The following GUCY1A2 variants were observed in gnomAD, a reference collection of about 807,000 sequenced individuals.
The protein encoded by GUCY1A2 is guanylate cyclase soluble subunit alpha-2.
GUCY1A2 carries 27 observed loss-of-function variants against 63.5 expected under a neutral mutation model. That is an observed-to-expected ratio of 0.43 (90% CI 0.31 to 0.59). The LOEUF is 0.59. Ranked by LOEUF, GUCY1A2 falls within the 20% of genes least tolerant of loss-of-function variation. GUCY1A2 has a pLI of 0.11. For synonymous variants in GUCY1A2, 364 were observed against 343.5 expected, an observed-to-expected ratio of 1.06 and a Z score of -0.66; for missense variants, 768 against 913.3, an observed-to-expected ratio of 0.84 and a Z score of 2.05.
At chr11:106,952,110 T>C (rs1018185945) in intron 3 of GUCY1A2, among the ~76,000 whole-genome samples, 2 of 152,218 alleles carry the variant, frequency 1.3e-5, no homozygotes. Context: ...TCGGTTTTGG[T>C]ACCAGTACCA....
intron 4 of GUCY1A2, among the ~76,000 whole-genome samples, chr11:106,934,556 T>C (rs1860649197): frequency 6.6e-6 from 1 of 152,190 alleles, no homozygotes; most frequent in Non-Finnish European, 1.5e-5. Flanking sequence ...TAAGAGAGTA[T>C]TCTGAAAACT....
chr11:106,965,402 T>C (rs1022693612), intron 3 of GUCY1A2, among the ~76,000 whole-genome samples: 2 of 152,224 alleles, frequency 1.3e-5, no homozygotes, highest in African/African-American at 2.4e-5. Flanking sequence ...TGTGTATACA[T>C]ACATATGTAT....
At chr11:106,775,572 T>G (rs1864342176) in intron 6 of GUCY1A2, among the ~76,000 whole-genome samples, 1 of 152,136 alleles carries the variant, frequency 6.6e-6, no homozygotes, top group South Asian at 2.1e-4. Context: ...TAAAAATATT[T>G]TTTAATATAT....
chr11:106,701,312 A>C (rs1452348878), intron 7 of GUCY1A2, among the ~76,000 whole-genome samples: 1 of 152,096 alleles, frequency 6.6e-6, no homozygotes, highest in Non-Finnish European at 1.5e-5. Flanking sequence ...AGAGACAGAG[A>C]TACTAATATA....
chr11:106,824,163 T>C, intron 4 of GUCY1A2: 9 of 1,438,010 alleles, frequency 6.3e-6, no homozygotes, highest in Non-Finnish European at 8.4e-6. Context: ...AGTGACAAAG[T>C]CCACACAGAA....
At chr11:106,958,560 AAAG>A (rs1475758513) in intron 3 of GUCY1A2, among the ~76,000 whole-genome samples, 3 of 151,952 alleles carry the variant, frequency 2.0e-5, no homozygotes, top group Non-Finnish European at 2.9e-5. Context: ...TGTATTTTTC[AAAG>A]AAGTAATTCC....
intron 4 of GUCY1A2, among the ~76,000 whole-genome samples, chr11:106,895,859 A>G (rs1860040377): frequency 6.6e-6 from 1 of 152,122 alleles, no homozygotes; most frequent in Non-Finnish European, 1.5e-5. Flanking sequence ...TTAACAAAAT[A>G]GATTCACAAA....
intron 6 of GUCY1A2, among the ~76,000 whole-genome samples, chr11:106,716,034 G>A (rs537658698): frequency 2.7e-4 from 41 of 152,276 alleles, no homozygotes; most frequent in African/African-American, 9.4e-4. Context: ...GGCTAGGTTT[G>A]GAAAGAATGA....
At chr11:106,736,741 A>G (rs1565273561) in intron 6 of GUCY1A2, among the ~76,000 whole-genome samples, 1 of 152,184 alleles carries the variant, frequency 6.6e-6, no homozygotes, top group African/African-American at 2.4e-5. Flanking sequence ...TTTTAATAAT[A>G]TTGATCCTTC....
rs562470529 is a variant in GUCY1A2, at chr11:106,824,141, T to C, written c.1207-13663A>G. The C allele has an allele frequency of 4.1e-6, 6 of 1,464,676 alleles. No individual in the cohort carries two copies. The African/African-American group carries it at 7.2e-5, about 18-fold the overall frequency. The allele number at this position is 1,464,676 out of a possible 1,614,324, so 90.7% of individuals were successfully genotyped here. A position where few individuals can be genotyped will look rare whatever the true frequency, so the allele number is the denominator to read the frequency against. Reference sequence around the variant, plus strand: ...ATCTTCTGAACAATGAGGCACATGCTATTACTGTGCAAGTGACAAAGTCCA... The same window carrying C: ...ATCTTCTGAACAATGAGGCACATGCCATTACTGTGCAAGTGACAAAGTCCA... On this transcript the variant is annotated intron_variant, in intron 4 of 7. Coordinates refer to ENST00000526355, the MANE Select transcript of GUCY1A2 (RefSeq NM_000855.3).
intron 5 of GUCY1A2, among the ~76,000 whole-genome samples, chr11:106,784,920 A>C (rs961836453): frequency 6.6e-6 from 1 of 152,216 alleles, no homozygotes; most frequent in Admixed American, 6.5e-5. Context: ...CTAACTTTCT[A>C]TGGGCATTAA....
At chr11:106,797,335 G>A (rs184077233) in intron 5 of GUCY1A2, among the ~76,000 whole-genome samples, 3 of 152,180 alleles carry the variant, frequency 2.0e-5, no homozygotes, top group Admixed American at 2.0e-4. Context: ...TTCCTTTGGA[G>A]GGGGAGAGGC....
intron 7 of GUCY1A2, among the ~76,000 whole-genome samples, chr11:106,703,879 G>A (rs894141491): frequency 4.0e-5 from 6 of 151,700 alleles, no homozygotes; most frequent in Admixed American, 3.9e-4. Context: ...ATACATATAT[G>A]ATTCCCACAT....
intron 4 of GUCY1A2, among the ~76,000 whole-genome samples, chr11:106,876,406 CT>C (rs34992528): frequency 0.098 from 14,830 of 152,000 alleles, 778 homozygotes; most frequent in Middle Eastern, 0.13. Context: ...ATAATTGCTA[CT>C]TTAATTCAAA....
At chr11:106,828,517 G>A (rs931306000) in intron 4 of GUCY1A2, among the ~76,000 whole-genome samples, 2 of 152,046 alleles carry the variant, frequency 1.3e-5, no homozygotes, top group Non-Finnish European at 2.9e-5. Flanking sequence ...CAGGTATGTG[G>A]CCTTATTTCA....
At chr11:106,945,278 G>A (rs189293881) in intron 3 of GUCY1A2, among the ~76,000 whole-genome samples, 1 of 151,902 alleles carries the variant, frequency 6.6e-6, no homozygotes, top group Non-Finnish European at 1.5e-5. Context: ...AAATACAGGT[G>A]AGATACTGAG....
chr11:106,928,453 A>T (rs894927133), intron 4 of GUCY1A2, among the ~76,000 whole-genome samples: 6 of 151,746 alleles, frequency 4.0e-5, no homozygotes, highest in Admixed American at 3.9e-4. Flanking sequence ...CACCTACAAT[A>T]TGCTCAGATT....
intron 1 of GUCY1A2, among the ~76,000 whole-genome samples, chr11:106,995,601 T>C (rs561361009): frequency 5.3e-5 from 8 of 152,338 alleles, no homozygotes; most frequent in African/African-American, 1.9e-4. Context: ...AATAACCTTT[T>C]CTCAGGGCTG....
At position 106,753,997 on chromosome 11, in the gene GUCY1A2, T is replaced by C. The variant is rs547345072; in HGVS notation, c.1836+22442A>G. On this transcript the variant is annotated intron_variant, in intron 6 of 7. Coordinates refer to ENST00000526355, the MANE Select transcript of GUCY1A2 (RefSeq NM_000855.3). ...TCTTCCTATCCATGAGCATGGAATG[T>C]TCTTCCATTTGTTTGTGTCCTCTTT... is the stretch of plus-strand genomic sequence containing the variant. 3.3e-5 allele frequency among the ~76,000 whole-genome samples: 5 copies of C among 152,336 alleles called. No individual in the cohort carries two copies. The South Asian group carries it at 1.0e-3, about 32-fold the overall frequency.
Sources: gnomAD v4.1 joint callset for allele counts (sites outside exome capture counted in the v4.1 genomes callset) on GRCh38, gnomAD v4.1.1 for gene constraint, MANE v1.5 for transcripts, NCBI Gene and HGNC (gene_info 2026-07-23, HGNC 2026-07-21) for gene names.